Variants in SLC8A1 observed in about 807,000 individuals in gnomAD.
SLC8A1 encodes the protein sodium/calcium exchanger 1.
A neutral mutation model predicts 68.3 loss-of-function variants in SLC8A1; 18 were observed. The ratio of observed to expected loss-of-function variants is 0.26; its 90% CI spans 0.18 to 0.39. SLC8A1 has a LOEUF of 0.39. SLC8A1 is among the 10% of genes least tolerant of loss of function. SLC8A1 has a pLI of 1.00. For synonymous variants in SLC8A1, 475 were observed against 415.5 expected, an observed-to-expected ratio of 1.14 and a Z score of -1.74; for missense variants, 985 against 1,156.7, an observed-to-expected ratio of 0.85 and a Z score of 2.15.
chr2:40,371,150 A>G (rs1382939305), intron 2 of SLC8A1, among the ~76,000 whole-genome samples: 2 of 152,096 alleles, frequency 1.3e-5, no homozygotes, highest in East Asian at 3.9e-4. Flanking sequence ...TCCCTGGCCC[A>G]GCCCCTGGAA....
At chr2:40,287,588 G>A (rs896605126) in intron 2 of SLC8A1, among the ~76,000 whole-genome samples, 1 of 120,448 alleles carries the variant, frequency 8.3e-6, no homozygotes, top group African/African-American at 3.9e-5. Context: ...AATGATGTGT[G>A]TGTGTGTGTG....
At chr2:40,465,911 G>C (rs1703642539) in intron 1 of SLC8A1, among the ~76,000 whole-genome samples, 1 of 152,060 alleles carries the variant, frequency 6.6e-6, no homozygotes, top group Admixed American at 6.6e-5. Context: ...CGGTCTTTTG[G>C]GGAGTGGATT....
chr2:40,365,995 G>GAA (rs112314058), intron 2 of SLC8A1, among the ~76,000 whole-genome samples: 54,104 of 148,858 alleles, frequency 0.36, 11,695 homozygotes, highest in Non-Finnish European at 0.49. Flanking sequence ...GACCCTGTCT[G>GAA]AAAAAAAAAA....
At chr2:40,407,830 T>G (rs916559696) in intron 2 of SLC8A1, among the ~76,000 whole-genome samples, 4 of 152,142 alleles carry the variant, frequency 2.6e-5, no homozygotes, top group African/African-American at 9.7e-5. Context: ...TCAAGAGGAG[T>G]TGCATTTGCT....
At chr2:40,485,337 T>A (rs943219874) in intron 1 of SLC8A1, among the ~76,000 whole-genome samples, 2 of 152,202 alleles carry the variant, frequency 1.3e-5, no homozygotes, top group African/African-American at 4.8e-5. Context: ...TTTTCCTACT[T>A]ATTGGCCAGG....
intron 2 of SLC8A1, among the ~76,000 whole-genome samples, chr2:40,300,289 G>C (rs1192324150): frequency 6.6e-6 from 1 of 152,100 alleles, no homozygotes; most frequent in Non-Finnish European, 1.5e-5. Context: ...ATCCTATAAA[G>C]TCATTCTTGT....
chr2:40,384,491 T>C (rs576563608), intron 2 of SLC8A1, among the ~76,000 whole-genome samples: 3 of 152,150 alleles, frequency 2.0e-5, no homozygotes, highest in East Asian at 1.9e-4. Context: ...AGGTACACTA[T>C]ACATCAACAT....
intron 2 of SLC8A1, among the ~76,000 whole-genome samples, chr2:40,179,621 G>A (rs2049076639): frequency 2.0e-5 from 3 of 152,132 alleles, no homozygotes; most frequent in Admixed American, 2.0e-4. Flanking sequence ...CAATGTTTTT[G>A]AAACAATGAG....
chr2:40,400,108 C>A (rs1688256066), intron 2 of SLC8A1, among the ~76,000 whole-genome samples: 1 of 152,160 alleles, frequency 6.6e-6, no homozygotes, highest in Admixed American at 6.5e-5. Flanking sequence ...TCGCGTGCAC[C>A]CCCTTAGAGT....
Position 40,165,114 on chromosome 2 carries a change from C to A in SLC8A1, c.1931-130G>T. On this transcript the variant is annotated intron_variant, in intron 4 of 7. Coordinates refer to ENST00000406785, the Ensembl canonical transcript of SLC8A1. ...TACTAAAGCCCCCTGGGTGAGATCA[C>A]GATGCTGGAGGGAAGAGCCAGACAG... The A allele has an allele frequency of 2.7e-6, 3 of 1,125,132 alleles. 1 individual carries two copies. In the South Asian group the frequency reaches 4.2e-5, roughly 16 times the overall value. The allele number at this position is 1,125,132 out of a possible 1,614,324, so 69.7% of individuals were successfully genotyped here.
At chr2:40,359,098 C>G in intron 2 of SLC8A1, among the ~76,000 whole-genome samples, 1 of 151,962 alleles carries the variant, frequency 6.6e-6, no homozygotes, top group Admixed American at 6.6e-5. Flanking sequence ...GAAAGTGAAG[C>G]TGAAGGTGGG....
intron 1 of SLC8A1, among the ~76,000 whole-genome samples, chr2:40,484,036 A>G (rs1322295609): frequency 3.3e-5 from 5 of 152,216 alleles, no homozygotes; most frequent in Admixed American, 3.3e-4. Context: ...CTCAACCATC[A>G]TTCTGTTAAA....
intron 2 of SLC8A1, among the ~76,000 whole-genome samples, chr2:40,296,263 G>A (rs2070358647): frequency 1.3e-5 from 2 of 152,098 alleles, no homozygotes; most frequent in South Asian, 4.1e-4. Flanking sequence ...TTAACTAGGA[G>A]ACCCCAAGAG....
At chr2:40,290,230 G>A (rs758357684) in intron 2 of SLC8A1, among the ~76,000 whole-genome samples, 9 of 151,348 alleles carry the variant, frequency 5.9e-5, no homozygotes, top group Admixed American at 1.3e-4. Flanking sequence ...AATGGGAAAC[G>A]CAGTACGAAA....
At chr2:40,350,704 A>G (rs1388061208) in intron 2 of SLC8A1, among the ~76,000 whole-genome samples, 1 of 151,596 alleles carries the variant, frequency 6.6e-6, no homozygotes, top group Admixed American at 6.6e-5. Flanking sequence ...CTTTTATTGT[A>G]AAAGCTAAAA....
upstream of SLC8A1, among the ~76,000 whole-genome samples, chr2:40,454,620 T>C (rs900752909): frequency 6.6e-6 from 1 of 152,190 alleles, no homozygotes; most frequent in African/African-American, 2.4e-5. Context: ...AATGGTCTTC[T>C]GTTTATCTAG....
At chr2:40,273,171 G>C (rs1311650208) in intron 2 of SLC8A1, among the ~76,000 whole-genome samples, 1 of 152,096 alleles carries the variant, frequency 6.6e-6, no homozygotes, top group Non-Finnish European at 1.5e-5. Context: ...TCGAACTCCT[G>C]ACCTCATGAT....
At chr2:40,389,298 G>A (rs938029419) in intron 2 of SLC8A1, among the ~76,000 whole-genome samples, 10 of 151,892 alleles carry the variant, frequency 6.6e-5, no homozygotes, top group South Asian at 2.1e-4. Context: ...CCAGTCTCAC[G>A]GTAAGTGTCC....
intron 1 of SLC8A1, among the ~76,000 whole-genome samples, chr2:40,508,657 T>C (rs1480243599): frequency 1.3e-5 from 2 of 152,146 alleles, no homozygotes; most frequent in East Asian, 3.9e-4. Flanking sequence ...CTTTTAAACA[T>C]GCTGAAACTT....
Sources: gnomAD v4.1 joint callset for allele counts (sites outside exome capture counted in the v4.1 genomes callset) on GRCh38, gnomAD v4.1.1 for gene constraint, MANE v1.5 for transcripts, NCBI Gene and HGNC (gene_info 2026-07-23, HGNC 2026-07-21) for gene names.